The following PTPRN2 variants were observed in gnomAD, a reference collection of about 807,000 sequenced individuals.
PTPRN2 encodes the protein receptor-type tyrosine-protein phosphatase N2.
A neutral mutation model predicts 118.8 loss-of-function variants in PTPRN2; 74 were observed. The observed-to-expected ratio is 0.62, with a 90% confidence interval of 0.52 to 0.76. The LOEUF (loss-of-function observed/expected upper bound fraction) is 0.76. PTPRN2 is among the 30% of genes least tolerant of loss of function. The probability of loss-of-function intolerance (pLI) is 0.00; values close to 1 mark genes in which losing one functional copy is unlikely to be tolerated. For missense variants in PTPRN2, 1,481 were observed against 1,394.4 expected (o/e 1.06, Z -0.99); for synonymous variants, 641 against 608.0 (o/e 1.05, Z -0.80).
chr7:157,850,334 C>G (rs1397665244), intron 12 of PTPRN2, among the ~76,000 whole-genome samples: 1 of 143,958 alleles, frequency 6.9e-6, no homozygotes, highest in South Asian at 2.4e-4. Flanking sequence ...GACGTGGGTG[C>G]CTCAGGCTCG....
intron 2 of PTPRN2, among the ~76,000 whole-genome samples, chr7:158,466,564 T>C (rs1233619255): frequency 6.6e-6 from 1 of 152,194 alleles, no homozygotes; most frequent in Non-Finnish European, 1.5e-5. Flanking sequence ...AATTGCTCTA[T>C]CCATTCATCC....
chr7:158,132,035 TCATA>T (rs953579444), intron 9 of PTPRN2, among the ~76,000 whole-genome samples: 5 of 145,146 alleles, frequency 3.4e-5, no homozygotes, highest in African/African-American at 1.3e-4. Context: ...ACATATACAC[TCATA>T]CACACACAAA....
At chr7:157,765,731 C>T (rs1802422478) in intron 12 of PTPRN2, among the ~76,000 whole-genome samples, 1 of 150,392 alleles carries the variant, frequency 6.6e-6, no homozygotes. Flanking sequence ...TCCATTCACC[C>T]TTCACCCATC....
chr7:158,549,191 G>C (rs1826484321), intron 1 of PTPRN2, among the ~76,000 whole-genome samples: 2 of 152,228 alleles, frequency 1.3e-5, no homozygotes, highest in African/African-American at 4.8e-5. Flanking sequence ...AATGATTCAG[G>C]CTTTTTTTAA....
At chr7:157,662,174 T>C (rs1449406417) in intron 13 of PTPRN2, among the ~76,000 whole-genome samples, 1 of 152,172 alleles carries the variant, frequency 6.6e-6, no homozygotes, top group Non-Finnish European at 1.5e-5. Flanking sequence ...AGTTTCCCCA[T>C]CTGTGAAGTG....
At chr7:157,890,758 C>T (rs546549061) in intron 12 of PTPRN2, among the ~76,000 whole-genome samples, 72 of 152,340 alleles carry the variant, frequency 4.7e-4, no homozygotes, top group Middle Eastern at 3.4e-3. Context: ...ACAGGGCCTC[C>T]GGTCTCACAC....
Position 157,802,369 on chromosome 7 carries a change from G to A in PTPRN2, c.1788+96304C>T, listed in dbSNP as rs991891113. 9.2e-5 allele frequency among the ~76,000 whole-genome samples: 14 copies of A among 152,174 alleles called. 1 individual carries two copies. Among genetic ancestry groups the A allele is most frequent in the Admixed American group, 2.6e-4 (4 of 15,288 alleles). On this transcript the variant is annotated intron_variant, in intron 12 of 22. Coordinates refer to ENST00000389418, the MANE Select transcript of PTPRN2 (RefSeq NM_002847.5). The stretch of plus-strand genomic sequence containing the variant: ...GGGCCTGGCTTTTGTTTCACTTCAC[G>A]TCATGTCATGCAGGTTTATCCCTGT...
chr7:157,568,188 A>G (rs1385123251), intron 21 of PTPRN2, among the ~76,000 whole-genome samples: 1 of 152,168 alleles, frequency 6.6e-6, no homozygotes, highest in African/African-American at 2.4e-5. Flanking sequence ...CTGCTTTTCC[A>G]CGCTGCTGCT....
intron 6 of PTPRN2, among the ~76,000 whole-genome samples, chr7:158,150,131 G>C (rs1303560388): frequency 6.6e-6 from 1 of 152,172 alleles, no homozygotes; most frequent in South Asian, 2.1e-4. Flanking sequence ...TCTGAAGCTT[G>C]GCCGGCAACA....
chr7:158,534,781 T>C (rs1454727900), intron 1 of PTPRN2, among the ~76,000 whole-genome samples: 2 of 152,186 alleles, frequency 1.3e-5, no homozygotes, highest in Non-Finnish European at 2.9e-5. Context: ...CTCCATATGT[T>C]TCTTGGCTCC....
rs1801736542 is a variant in PTPRN2, at chr7:157,964,161, G to T, written c.1724-65424C>A. On this transcript the variant is annotated intron_variant, in intron 11 of 22. Transcript: ENST00000389418. This position sits in a 1 kb window ranked among gnomAD's most constrained non-coding sequence, Gnocchi z 9.0. ...CCCGTTCCCACTGGCACACCATGGG[G>T]ACAGCTGGGTGGGGTAGTGTTGAGT... 6.6e-6 allele frequency among the ~76,000 whole-genome samples: 1 copy of T among 152,124 alleles called. No homozygotes were observed. Among genetic ancestry groups the T allele is most frequent in the African/African-American group, 2.4e-5 (1 of 41,414 alleles).
intron 12 of PTPRN2, among the ~76,000 whole-genome samples, chr7:157,791,856 A>G (rs547593140): frequency 6.6e-6 from 1 of 152,338 alleles, no homozygotes; most frequent in South Asian, 2.1e-4. Flanking sequence ...GCCGTGCAGC[A>G]CGCTCGGAGC....
chr7:157,592,305 C>T (rs1801024808), intron 17 of PTPRN2, among the ~76,000 whole-genome samples: 1 of 152,256 alleles, frequency 6.6e-6, no homozygotes, highest in Admixed American at 6.5e-5. Flanking sequence ...TCACTAGCCA[C>T]AGGAATCTGG....
chr7:158,121,456 C>T (rs753496672), intron 9 of PTPRN2, among the ~76,000 whole-genome samples: 10 of 152,234 alleles, frequency 6.6e-5, no homozygotes, highest in South Asian at 4.1e-4. Context: ...GCAGGAGCCA[C>T]GTGTCATCTG....
intron 11 of PTPRN2, among the ~76,000 whole-genome samples, chr7:157,947,018 G>A (rs1800529682): frequency 6.6e-6 from 1 of 152,208 alleles, no homozygotes; most frequent in Non-Finnish European, 1.5e-5. Context: ...TGCCCTGGGT[G>A]TGGGCTAGTG....
intron 2 of PTPRN2, among the ~76,000 whole-genome samples, chr7:158,404,874 CTGGCCTCCAGCTCCT>C (rs1813272145): frequency 9.4e-5 from 13 of 138,392 alleles, no homozygotes; most frequent in Admixed American, 2.1e-4. Flanking sequence ...CCCCAGCTCC[CTGGCCTCCAGCTCCT>C]CGGCCTCAGC....
intron 2 of PTPRN2, among the ~76,000 whole-genome samples, chr7:158,442,645 G>C (rs1817427640): frequency 2.6e-5 from 4 of 152,200 alleles, no homozygotes; most frequent in Admixed American, 2.6e-4. Flanking sequence ...TCTTCACCAT[G>C]ATTATTTTGG....
chr7:158,300,554 A>ACAGCGCCTCGCCCGTCACCCAGTCCCG (rs1800814837), intron 3 of PTPRN2, among the ~76,000 whole-genome samples: 1 of 146,630 alleles, frequency 6.8e-6, no homozygotes, highest in Non-Finnish European at 1.5e-5. Flanking sequence ...CTGCACGCCC[A>ACAGCGCCTCGCCCGTCACCCAGTCCCG]CAGCGCCTCG....
At chr7:158,181,783 T>C (rs897696704) in intron 5 of PTPRN2, among the ~76,000 whole-genome samples, 1 of 152,212 alleles carries the variant, frequency 6.6e-6, no homozygotes, top group Non-Finnish European at 1.5e-5. Context: ...TGTGGTATAG[T>C]TGAGCTTATT....
Sources: gnomAD v4.1 joint callset for allele counts (sites outside exome capture counted in the v4.1 genomes callset) on GRCh38, gnomAD v4.1.1 for gene constraint, Gnocchi (gnomAD v3.1) non-coding constraint, MANE v1.5 for transcripts, NCBI Gene and HGNC (gene_info 2026-07-23, HGNC 2026-07-21) for gene names.